FLVCR2: variants seen among roughly 807,000 people sequenced by gnomAD.
The protein encoded by FLVCR2 is choline/ethanolamine transporter FLVCR2.
Under a neutral mutation model 48.9 loss-of-function variants are expected in FLVCR2, and 38 were observed. The observed-to-expected ratio is 0.78, with a 90% confidence interval of 0.60 to 1.02. The LOEUF (loss-of-function observed/expected upper bound fraction) is 1.02, where lower values mean the gene tolerates loss of function less well. Ranked by LOEUF, FLVCR2 falls within the 50% of genes least tolerant of loss-of-function variation. The pLI is 0.00. For synonymous variants in FLVCR2, 255 were observed against 257.0 expected (o/e 0.99, Z 0.07); for missense variants, 664 against 663.3 (o/e 1.00, Z -0.01).
chr14:75,609,780 G>A (rs1889390992), intron 1 of FLVCR2, among the ~76,000 whole-genome samples: 2 of 152,152 alleles, frequency 1.3e-5, no homozygotes, highest in East Asian at 1.9e-4. Context: ...AACATTGGTC[G>A]TCACGTGAGC....
intron 9 of FLVCR2, among the ~76,000 whole-genome samples, chr14:75,645,968 G>T (rs1270461435): frequency 6.6e-6 from 1 of 151,610 alleles, no homozygotes; most frequent in Non-Finnish European, 1.5e-5. Context: ...CTGCCTCCAA[G>T]TGGGGGTTGT....
chr14:75,616,673 C>T (rs917789875), intron 1 of FLVCR2, among the ~76,000 whole-genome samples: 1 of 152,084 alleles, frequency 6.6e-6, no homozygotes, highest in Admixed American at 6.6e-5. Flanking sequence ...GGGGCCCAGC[C>T]CTAGGGGTGA....
At position 75,641,037 on chromosome 14, in the gene FLVCR2, G is replaced by A. The variant is rs752732384; in HGVS notation, c.1318G>A (p.Gly440Ser). The A allele has an allele frequency of 6.2e-6, 10 of 1,613,682 alleles. No individual in the cohort carries two copies. Among genetic ancestry groups the A allele is most frequent in the African/African-American group, 1.3e-5 (1 of 74,872 alleles). Residue 440 changes from glycine (G) to serine (S), a missense_variant, in exon 7 of 10, where the codon GGC (glycine) becomes AGC (serine). Physicochemically the swap from Gly to Ser is moderately conservative, Grantham distance 56. Transcript: ENST00000238667. ...TYPESEGISS[G>S]LLNISAQVFG... ...CCCAGAATCAGAAGGCATCTCCTCC[G>A]GCCTCCTCAACATATCTGCACAGGT...
chr14:75,612,003 G>A (rs1242512517), intron 1 of FLVCR2, among the ~76,000 whole-genome samples: 2 of 152,108 alleles, frequency 1.3e-5, no homozygotes, highest in Non-Finnish European at 1.5e-5. Flanking sequence ...TAGCCTCATC[G>A]CTTACTGTTA....
chr14:75,599,333 C>G (rs888031307), intron 1 of FLVCR2, among the ~76,000 whole-genome samples: 1 of 151,262 alleles, frequency 6.6e-6, no homozygotes, highest in Non-Finnish European at 1.5e-5. Flanking sequence ...AACACCCCCC[C>G]CCAAAAAATT....
intron 1 of FLVCR2, among the ~76,000 whole-genome samples, chr14:75,596,780 G>GCCCCCCCCCCCC (rs35205012): frequency 2.6e-5 from 2 of 78,086 alleles, no homozygotes; most frequent in Non-Finnish European, 5.2e-5. Context: ...CTCCTCTTTT[G>GCCCCCCCCCCCC]CCCCCCCCCC....
intron 2 of FLVCR2, 66 bp from the exon 3 acceptor site, chr14:75,624,546 G>A (rs1889848564): frequency 6.3e-7 from 1 of 1,590,780 alleles, no homozygotes; most frequent in South Asian, 1.1e-5. Context: ...TTTCATTCAT[G>A]TGGAACCAGC....
In FLVCR2 at chr14:75,635,994, C is replaced by T. The variant is rs114229273; in HGVS notation, c.1124+981C>T. Among the ~76,000 whole-genome samples the T allele has an allele frequency of 5.1e-3, 783 of 152,314 alleles. 5 individuals are homozygous for T. The highest frequency in any genetic ancestry group is 0.018 in the African/African-American group (748 of 41,574). On this transcript the variant is annotated intron_variant, in intron 5 of 9. Transcript: ENST00000238667. Reference sequence around the variant, plus strand: ...TTGTAGAAAGCAGCCTGGGTGCCTCCATTCAGCAGCTGGCCTTGGAGAAAA... The same window carrying T: ...TTGTAGAAAGCAGCCTGGGTGCCTCTATTCAGCAGCTGGCCTTGGAGAAAA...
chr14:75,632,987 G>A, intron 3 of FLVCR2: 1 of 702,198 alleles, frequency 1.4e-6, no homozygotes, highest in Non-Finnish European at 2.6e-6. Flanking sequence ...CTTGCTGTAT[G>A]ACTTTGGGCA....
chr14:75,590,982 A>G (rs1888864316), intron 1 of FLVCR2, among the ~76,000 whole-genome samples: 1 of 152,264 alleles, frequency 6.6e-6, no homozygotes, highest in African/African-American at 2.4e-5. Context: ...CTTTCCAGGT[A>G]TGAGCTTATA....
Position 75,646,490 on chromosome 14 carries a change from C to T in FLVCR2, c.*18C>T, listed in dbSNP as rs369026585. 6.4e-4 allele frequency: 1,023 copies of T among 1,590,902 alleles called. 3 individuals carry two copies. The highest frequency in any genetic ancestry group is 7.3e-4 in the Non-Finnish European group (842 of 1,158,810). ...ATCTCTGAGAGGAAGGTGGTGACAA[C>T]TCAGGGAACACGAACACCCCACCTT... On this transcript the variant is annotated 3_prime_UTR_variant, in exon 10 of 10. Coordinates refer to ENST00000238667, the MANE Select transcript of FLVCR2 (RefSeq NM_017791.3).
In FLVCR2 at chr14:75,579,421, T is replaced by TGC; in HGVS notation, c.452_453dup (p.Thr152AlafsTer17). 5.6e-6 allele frequency: 9 copies of TGC among 1,614,088 alleles called. No homozygotes were observed. Among genetic ancestry groups the TGC allele is most frequent in the Non-Finnish European group, 7.6e-6 (9 of 1,180,050 alleles). ...GCTTGGCTGCTGGAGAAGTTCGGCCTGCGCACCATTGCTCTCACTGGCTCG... is the reference window on the plus strand; with the variant it reads ...GCTTGGCTGCTGGAGAAGTTCGGCCTGCGCGCACCATTGCTCTCACTGGCTCG... On this transcript the variant is annotated frameshift_variant, in exon 1 of 10. Transcript: ENST00000238667. LOFTEE classifies it high-confidence loss of function.
At chr14:75,637,742 AAAAG>A (rs1436404962) in intron 5 of FLVCR2, among the ~76,000 whole-genome samples, 50 of 151,824 alleles carry the variant, frequency 3.3e-4, no homozygotes, top group South Asian at 2.1e-3. Flanking sequence ...AAAAAAAAAA[AAAAG>A]AAAGAAAAGA....
At position 75,598,772 on chromosome 14, in the gene FLVCR2, C is replaced by T. The variant is rs549497250; in HGVS notation, c.669+19131C>T. On this transcript the variant is annotated intron_variant, in intron 1 of 9. Transcript: ENST00000238667. The stretch of plus-strand genomic sequence containing the variant: ...ATTACAGGCATGAGCTATCACCCAG[C>T]GCATGCCTTGGCTTTGTTGCCTTGC... Among the ~76,000 whole-genome samples, 37 of 152,372 alleles carry T rather than the reference C, an allele frequency of 2.4e-4. No homozygotes were observed. In the East Asian group the frequency reaches 4.8e-3, roughly 20 times the overall value.
intron 1 of FLVCR2, among the ~76,000 whole-genome samples, chr14:75,621,617 G>A (rs1298479149): frequency 6.6e-6 from 1 of 152,144 alleles, no homozygotes; most frequent in Non-Finnish European, 1.5e-5. Context: ...AACAGCTTTA[G>A]CCTTCCAACT....
At chr14:75,628,413 A>G (rs1424204056) in intron 3 of FLVCR2, among the ~76,000 whole-genome samples, 1 of 152,104 alleles carries the variant, frequency 6.6e-6, no homozygotes, top group Non-Finnish European at 1.5e-5. Context: ...TATCAATTCA[A>G]CTAGATGCTT....
At position 75,622,095 on chromosome 14, in the gene FLVCR2, G is replaced by C. The variant is rs528959327; in HGVS notation, c.686G>C (p.Gly229Ala). The change falls in exon 2 of 10, where the codon GGG becomes GCG. Residue 229 changes from glycine (G) to alanine (A), a missense_variant. Transcript: ENST00000238667. ...CTTCTATAGCTTGGAATTGCGATTG[G>C]GTTCTTGGTCCCTCCTGTTTTGGTA... ...VFGNQLGIAIGFLVPPVLVPN... is the reference protein window; with the variant it reads ...VFGNQLGIAIAFLVPPVLVPN... 6 of 1,614,118 alleles carry C rather than the reference G, an allele frequency of 3.7e-6. No homozygotes were observed. In the East Asian group the frequency reaches 1.3e-4, roughly 36 times the overall value.
intron 1 of FLVCR2, among the ~76,000 whole-genome samples, chr14:75,582,678 G>T (rs1374733109): frequency 6.6e-6 from 1 of 152,190 alleles, no homozygotes; most frequent in Non-Finnish European, 1.5e-5. Flanking sequence ...TATGAAAAGG[G>T]TTGGGATGAG....
At chr14:75,581,399 G>A (rs550237126) in intron 1 of FLVCR2, among the ~76,000 whole-genome samples, 77 of 152,134 alleles carry the variant, frequency 5.1e-4, no homozygotes, top group Non-Finnish European at 9.8e-4. Context: ...TTGAAGCTGA[G>A]CTTGGTGAGG....
Sources: allele counts gnomAD v4.1 joint callset (sites outside exome capture counted in the v4.1 genomes callset), GRCh38; gene constraint gnomAD v4.1.1; transcripts MANE v1.5; gene names NCBI Gene and HGNC (gene_info 2026-07-23, HGNC 2026-07-21).